Variants in ARID3B observed in about 807,000 individuals in gnomAD.
ARID3B encodes the protein AT-rich interaction domain 3B, also known as AT-rich interactive domain-containing protein 3B.
A neutral mutation model predicts 51.9 loss-of-function variants in ARID3B; 10 were observed. That is an observed-to-expected ratio of 0.19 (90% CI 0.12 to 0.33). ARID3B has a LOEUF of 0.33. Among genes scored for constraint, ARID3B ranks in the 10% least tolerant of loss-of-function variants. The pLI is 1.00. For synonymous variants in ARID3B, 205 were observed against 279.5 expected, an observed-to-expected ratio of 0.73 and a Z score of 2.66; for missense variants, 483 against 716.3, an observed-to-expected ratio of 0.67 and a Z score of 3.72.
intron 8 of ARID3B, among the ~76,000 whole-genome samples, chr15:74,593,496 AAGTC>A (rs2061811635): frequency 6.6e-6 from 1 of 152,214 alleles, no homozygotes; most frequent in Non-Finnish European, 1.5e-5. Context: ...TTAATTGAAG[AAGTC>A]AGTCAGTGTC....
At chr15:74,588,943 G>A (rs982856899) in intron 4 of ARID3B, among the ~76,000 whole-genome samples, 3 of 151,664 alleles carry the variant, frequency 2.0e-5, no homozygotes, top group African/African-American at 4.8e-5. Context: ...TTGACATGGC[G>A]GGGCACACGA....
intron 4 of ARID3B, among the ~76,000 whole-genome samples, chr15:74,575,204 T>C (rs1270067480): frequency 1.3e-5 from 2 of 152,090 alleles, no homozygotes; most frequent in East Asian, 3.9e-4. Flanking sequence ...CATAGCAATA[T>C]AGATTTTAAT....
chr15:74,562,231 T>C (rs1192966772), intron 2 of ARID3B, among the ~76,000 whole-genome samples: 1 of 152,058 alleles, frequency 6.6e-6, no homozygotes, highest in Non-Finnish European at 1.5e-5. Context: ...AACCTCCACC[T>C]CCCAGGTTCA....
At chr15:74,570,656 T>G (rs1305827458) in intron 2 of ARID3B, among the ~76,000 whole-genome samples, 3 of 152,156 alleles carry the variant, frequency 2.0e-5, no homozygotes, top group African/African-American at 7.2e-5. Flanking sequence ...TTTCAACTGA[T>G]AGGGGCTCCT....
At chr15:74,571,784 A>G (rs1234814693) in intron 2 of ARID3B, among the ~76,000 whole-genome samples, 1 of 152,210 alleles carries the variant, frequency 6.6e-6, no homozygotes, top group African/African-American at 2.4e-5. Context: ...TTCCTGCTGA[A>G]GAGATAACTG....
At chr15:74,568,688 G>T (rs977623694) in intron 2 of ARID3B, among the ~76,000 whole-genome samples, 4 of 152,136 alleles carry the variant, frequency 2.6e-5, no homozygotes, top group Non-Finnish European at 4.4e-5. Flanking sequence ...TCTTGGGTGT[G>T]TATTTGGGAG....
At chr15:74,554,593 G>A (rs2061650341) in intron 2 of ARID3B, among the ~76,000 whole-genome samples, 1 of 152,222 alleles carries the variant, frequency 6.6e-6, no homozygotes, top group Non-Finnish European at 1.5e-5. Context: ...GTGAGCCACA[G>A]TGCCTGGTCA....
intron 2 of ARID3B, among the ~76,000 whole-genome samples, chr15:74,572,498 A>G (rs1477241783): frequency 6.6e-6 from 1 of 152,222 alleles, no homozygotes; most frequent in African/African-American, 2.4e-5. Flanking sequence ...TGCATCTCAG[A>G]GTGATGGCTT....
chr15:74,579,888 C>A (rs928333145), intron 4 of ARID3B, among the ~76,000 whole-genome samples: 1 of 151,086 alleles, frequency 6.6e-6, no homozygotes, highest in Non-Finnish European at 1.5e-5. Flanking sequence ...CGCGCGCACA[C>A]GCAAAAAATA....
intron 2 of ARID3B, among the ~76,000 whole-genome samples, chr15:74,560,138 G>A (rs913310887): frequency 8.6e-5 from 13 of 150,754 alleles, no homozygotes; most frequent in Non-Finnish European, 1.5e-4. Flanking sequence ...CTGGGAGATG[G>A]AGATTGCAGT....
intron 2 of ARID3B, among the ~76,000 whole-genome samples, chr15:74,553,542 G>A (rs576733337): frequency 6.6e-6 from 1 of 152,136 alleles, no homozygotes; most frequent in Non-Finnish European, 1.5e-5. Context: ...GTTGTTAAAA[G>A]TATTTTTTGG....
intron 4 of ARID3B, chr15:74,574,928 G>A (rs2061732147): frequency 6.6e-6 from 1 of 151,448 alleles, no homozygotes; most frequent in Non-Finnish European, 1.5e-5. Context: ...CTTGAACTCG[G>A]GAGATGGAGG....
intron 2 of ARID3B, among the ~76,000 whole-genome samples, chr15:74,558,885 T>TGCA (rs1274128982): frequency 2.6e-5 from 4 of 152,174 alleles, no homozygotes; most frequent in African/African-American, 9.7e-5. Flanking sequence ...CTGCACAAGT[T>TGCA]TAGCTCGTTG....
At position 74,542,411 on chromosome 15, in the gene ARID3B, G is replaced by A. The variant is rs1452080770; in HGVS notation, c.-78+1081G>A. On this transcript the variant is annotated intron_variant, in intron 1 of 8. Transcript: ENST00000346246. Reference sequence around the variant, plus strand: ...AAGTAAAGGCAGTAAGAGGCAAATTGGAATGCGAATCTTTCACAGAACACA... The same window carrying A: ...AAGTAAAGGCAGTAAGAGGCAAATTAGAATGCGAATCTTTCACAGAACACA... 2.0e-5 allele frequency among the ~76,000 whole-genome samples: 3 copies of A among 152,260 alleles called. No individual in the cohort carries two copies. The East Asian group carries it at 5.8e-4, about 29-fold the overall frequency.
intron 2 of ARID3B, among the ~76,000 whole-genome samples, chr15:74,571,711 T>A (rs960690673): frequency 2.0e-5 from 3 of 152,202 alleles, no homozygotes; most frequent in Non-Finnish European, 4.4e-5. Context: ...ACTTCCCAAG[T>A]AATATGTTAA....
chr15:74,566,557 T>C (rs1305702943), intron 2 of ARID3B, among the ~76,000 whole-genome samples: 2 of 150,032 alleles, frequency 1.3e-5, no homozygotes, highest in Non-Finnish European at 3.0e-5. Context: ...GAGCCCAGAT[T>C]ACACCACTGC....
At chr15:74,574,741 C>A (rs1596259124) in intron 4 of ARID3B, 1 of 152,200 alleles carries the variant, frequency 6.6e-6, no homozygotes, top group Non-Finnish European at 1.5e-5. Context: ...GCGGTGGCTC[C>A]TGCCTGTAAT....
At chr15:74,590,129 G>A (rs2061797948) in intron 5 of ARID3B, 126 bp downstream of exon 5, 3 of 1,163,298 alleles carry the variant, frequency 2.6e-6, no homozygotes, top group African/African-American at 1.6e-5. Context: ...CGAAACAGTG[G>A]GGAGCTTTCT....
At chr15:74,560,831 A>C (rs1444955118) in intron 2 of ARID3B, among the ~76,000 whole-genome samples, 3 of 152,188 alleles carry the variant, frequency 2.0e-5, no homozygotes, top group Non-Finnish European at 4.4e-5. Flanking sequence ...GGTGGGATAG[A>C]TTATTATAGA....
Sources: gnomAD v4.1 joint callset for allele counts (sites outside exome capture counted in the v4.1 genomes callset) on GRCh38, gnomAD v4.1.1 for gene constraint, MANE v1.5 for transcripts, NCBI Gene and HGNC (gene_info 2026-07-23, HGNC 2026-07-21) for gene names.